The following PTPN14 variants were observed in gnomAD, a reference collection of about 807,000 sequenced individuals.
The protein encoded by PTPN14 is tyrosine-protein phosphatase non-receptor type 14.
PTPN14 carries 53 observed loss-of-function variants against 126.8 expected under a neutral mutation model. That is an observed-to-expected ratio of 0.42 (90% CI 0.34 to 0.53). PTPN14 has a LOEUF of 0.53. Ranked by LOEUF, PTPN14 falls within the 20% of genes least tolerant of loss-of-function variation. The probability of loss-of-function intolerance (pLI) is 0.08; values close to 1 mark genes in which losing one functional copy is unlikely to be tolerated. For synonymous variants in PTPN14, 630 were observed against 599.3 expected (o/e 1.05, Z -0.75); for missense variants, 1,257 against 1,552.9 (o/e 0.81, Z 3.20).
intron 3 of PTPN14, among the ~76,000 whole-genome samples, chr1:214,424,009 G>C (rs944499506): frequency 6.6e-6 from 1 of 151,396 alleles, no homozygotes; most frequent in Non-Finnish European, 1.5e-5. Context: ...CAAAAAATCA[G>C]AGTACTGGCC....
intron 1 of PTPN14, among the ~76,000 whole-genome samples, chr1:214,466,905 T>C (rs950504490): frequency 1.3e-5 from 2 of 152,192 alleles, no homozygotes; most frequent in African/African-American, 2.4e-5. Flanking sequence ...TCATGCCTCA[T>C]GGAGGTTGTC....
At chr1:214,457,849 C>T (rs1402513007) in intron 2 of PTPN14, among the ~76,000 whole-genome samples, 2 of 152,168 alleles carry the variant, frequency 1.3e-5, no homozygotes, top group Non-Finnish European at 2.9e-5. Flanking sequence ...ACTTACCACA[C>T]ATTTCAGTTC....
intron 1 of PTPN14, chr1:214,528,499 T>C (rs963613462): frequency 4.6e-5 from 7 of 152,210 alleles, no homozygotes; most frequent in African/African-American, 1.7e-4. Flanking sequence ...TATTGCTCTA[T>C]GTGACTATTA....
intron 3 of PTPN14, among the ~76,000 whole-genome samples, chr1:214,419,153 T>C (rs891498641): frequency 6.6e-6 from 1 of 152,224 alleles, no homozygotes; most frequent in East Asian, 1.9e-4. Flanking sequence ...AACTATTCAT[T>C]ACTCCTTCTC....
At chr1:214,440,485 C>T (rs185483403) in intron 3 of PTPN14, among the ~76,000 whole-genome samples, 67 of 152,292 alleles carry the variant, frequency 4.4e-4, no homozygotes, top group Middle Eastern at 3.4e-3. Context: ...ATAATTTGAG[C>T]CATGGCTCTG....
intron 1 of PTPN14, among the ~76,000 whole-genome samples, chr1:214,540,720 G>A (rs1439190794): frequency 6.6e-6 from 1 of 152,040 alleles, no homozygotes; most frequent in African/African-American, 2.4e-5. Flanking sequence ...AGGACGAGGA[G>A]CGTGAACAGC....
At chr1:214,370,280 CAAAA>C (rs561271706) in intron 16 of PTPN14, among the ~76,000 whole-genome samples, 3 of 97,456 alleles carry the variant, frequency 3.1e-5, no homozygotes, top group Non-Finnish European at 2.0e-5. Context: ...GATTCCATCT[CAAAA>C]AAAAAAAAAA....
chr1:214,449,538 C>T (rs1660225506), intron 3 of PTPN14, among the ~76,000 whole-genome samples: 2 of 152,178 alleles, frequency 1.3e-5, no homozygotes, highest in Non-Finnish European at 2.9e-5. Flanking sequence ...TGGCCGAGAG[C>T]CAAGAATCAG....
intron 1 of PTPN14, among the ~76,000 whole-genome samples, chr1:214,483,983 G>C (rs945134524): frequency 6.6e-6 from 1 of 152,214 alleles, no homozygotes; most frequent in African/African-American, 2.4e-5. Flanking sequence ...CAAAAGATAA[G>C]CATGTTATCA....
intron 15 of PTPN14, among the ~76,000 whole-genome samples, chr1:214,373,604 C>G (rs981742096): frequency 1.5e-5 from 2 of 131,702 alleles, no homozygotes; most frequent in East Asian, 4.1e-4. Context: ...CACACACACA[C>G]ACACCTGGTC....
intron 10 of PTPN14, among the ~76,000 whole-genome samples, chr1:214,391,391 T>C (rs1460363506): frequency 6.6e-6 from 1 of 152,112 alleles, no homozygotes; most frequent in Non-Finnish European, 1.5e-5. Context: ...TACTGTTGTA[T>C]ATATGTAAAA....
chr1:214,377,386 G>A (rs1465540327), intron 14 of PTPN14, among the ~76,000 whole-genome samples: 2 of 152,148 alleles, frequency 1.3e-5, no homozygotes, highest in Non-Finnish European at 2.9e-5. Flanking sequence ...GGTGGAGGGT[G>A]GAAGGAGGGA....
chr1:214,412,992 C>T (rs1659343384), intron 4 of PTPN14, among the ~76,000 whole-genome samples: 3 of 152,180 alleles, frequency 2.0e-5, no homozygotes, highest in African/African-American at 7.2e-5. Context: ...ACCTCAGTCT[C>T]CTGAGTAGCT....
At chr1:214,376,913 T>G (rs1658355431) in intron 14 of PTPN14, among the ~76,000 whole-genome samples, 1 of 152,236 alleles carries the variant, frequency 6.6e-6, no homozygotes, top group Non-Finnish European at 1.5e-5. Context: ...CTGAAGTCCC[T>G]TCTGGCTTTA....
rs1558077775 is a variant in PTPN14 at position 214,383,636 on chromosome 1, G to A, written c.2219C>T (p.Ala740Val). 1 of 1,613,160 alleles carries A rather than the reference G, an allele frequency of 6.2e-7. No homozygotes were observed. The highest frequency in any genetic ancestry group is 1.7e-5 in the Admixed American group (1 of 60,010). Residue 740 changes from alanine (A) to valine (V), a missense_variant, in exon 13 of 19, where the codon GCC (alanine) becomes GTC (valine). Around this residue, in one of 3 missense-constraint regions of PTPN14, gnomAD observed 1,021 missense variants for 1,183.3 expected, o/e 0.86. Transcript: ENST00000366956. The surrounding 1 kb of genome is among the most constrained non-coding windows in gnomAD (Gnocchi z 4.4). ...KMEYSAQLQA[A>V]LARIPNKPPP... ...GGGCTTGTTGGGGATGCGGGCCAGG[G>A]CCGCCTGCAGCTGGGCACTGTACTC...
intron 16 of PTPN14, among the ~76,000 whole-genome samples, chr1:214,371,972 C>T (rs900399767): frequency 1.3e-5 from 2 of 152,118 alleles, no homozygotes; most frequent in South Asian, 4.1e-4. Context: ...AAACTAGTCC[C>T]TTGAATGATT....
intron 3 of PTPN14, among the ~76,000 whole-genome samples, chr1:214,427,647 G>A (rs1659698437): frequency 6.6e-6 from 1 of 152,172 alleles, no homozygotes; most frequent in Non-Finnish European, 1.5e-5. Context: ...TCACAGTCTA[G>A]TGGGGAAGAC....
At position 214,364,278 on chromosome 1, in the gene PTPN14, G is replaced by A. The variant is rs953126720; in HGVS notation, c.3435+234C>T. The stretch of plus-strand genomic sequence containing the variant: ...TCACATTTTCTAAGTGTTTTCTATT[G>A]CACACCCTCATTTCTCCTGTTTTAT... On this transcript the variant is annotated intron_variant, in intron 18 of 18. Transcript: ENST00000366956. This position sits in a 1 kb window ranked among gnomAD's most constrained non-coding sequence, Gnocchi z 4.1. 6.6e-6 allele frequency among the ~76,000 whole-genome samples: 1 copy of A among 152,056 alleles called. No individual in the cohort carries two copies. Among genetic ancestry groups the A allele is most frequent in the Non-Finnish European group, 1.5e-5 (1 of 68,018 alleles).
chr1:214,443,202 C>T (rs1290316815), intron 3 of PTPN14, among the ~76,000 whole-genome samples: 1 of 152,172 alleles, frequency 6.6e-6, no homozygotes, highest in African/African-American at 2.4e-5. Context: ...ATTTGGACAA[C>T]TTGTACTATG....
Sources: gnomAD v4.1 joint callset for allele counts (sites outside exome capture counted in the v4.1 genomes callset) on GRCh38, gnomAD v4.1.1 for gene constraint, gnomAD v4.1.1 regional missense constraint, Gnocchi (gnomAD v3.1) non-coding constraint, MANE v1.5 for transcripts, NCBI Gene and HGNC (gene_info 2026-07-23, HGNC 2026-07-21) for gene names.